The following ARHGEF18 variants were observed in gnomAD, a reference collection of about 807,000 sequenced individuals.
ARHGEF18 encodes the protein rho guanine nucleotide exchange factor 18.
Under a neutral mutation model 155.7 loss-of-function variants are expected in ARHGEF18, and 93 were observed. The ratio of observed to expected loss-of-function variants is 0.60; its 90% CI spans 0.50 to 0.71. ARHGEF18 has a LOEUF of 0.71. ARHGEF18 is among the 30% of genes least tolerant of loss of function. The pLI is 0.00. For missense variants in ARHGEF18, 1,593 were observed against 1,816.1 expected (o/e 0.88, Z 2.23); for synonymous variants, 742 against 753.1 (o/e 0.99, Z 0.24).
At position 7,467,383 on chromosome 19, in the gene ARHGEF18, A is replaced by G. The variant is rs1331792375; in HGVS notation, c.3179A>G (p.Gln1060Arg). 1 of 1,533,590 alleles carries G rather than the reference A, an allele frequency of 6.5e-7. No homozygotes were observed. The highest frequency in any genetic ancestry group is 8.7e-7 in the Non-Finnish European group (1 of 1,145,686). 95.0% of individuals were successfully genotyped at this position (1,533,590 alleles called of 1,614,324 possible). The change falls in exon 26 of 29, where the codon CAG becomes CGG. Residue 1060 changes from glutamine to arginine, a missense_variant. Physicochemically the swap from Gln to Arg is conservative, Grantham distance 43. Transcript: ENST00000668164. ...GAGCGCGCGGCCCTGGAGAAGCTGC[A>G]GAGCCAGCTGCGGCACGAGCAGCAG... is the stretch of plus-strand genomic sequence containing the variant. ...REERAALEKL[Q>R]SQLRHEQQRW... is the part of the protein sequence containing the mutation.
intron 10 of ARHGEF18, among the ~76,000 whole-genome samples, chr19:7,438,504 G>A (rs1272258196): frequency 4.0e-5 from 6 of 150,218 alleles, no homozygotes; most frequent in Non-Finnish European, 5.9e-5. Context: ...CTCCACCTCC[G>A]GGGTTCAAAC....
chr19:7,464,765 G>A (rs1439542600), intron 23 of ARHGEF18, 75 bp downstream of exon 23: 6 of 1,575,498 alleles, frequency 3.8e-6, no homozygotes, highest in Non-Finnish European at 5.2e-6. Flanking sequence ...CTTCTGCTGG[G>A]GTTGTCCAGT....
At chr19:7,433,742 G>A (rs1974098549) in intron 10 of ARHGEF18, among the ~76,000 whole-genome samples, 1 of 151,934 alleles carries the variant, frequency 6.6e-6, no homozygotes, top group Non-Finnish European at 1.5e-5. Flanking sequence ...GTCTTAGGCT[G>A]GGTGCGGTGG....
Position 7,462,887 on chromosome 19 carries a change from A to G in ARHGEF18, c.2635+553A>G, listed in dbSNP as rs1329963437. 3.7e-5 allele frequency among the ~76,000 whole-genome samples: 5 copies of G among 133,384 alleles called. No individual in the cohort carries two copies. Among genetic ancestry groups the G allele is most frequent in the Non-Finnish European group, 6.1e-5 (4 of 65,350 alleles). The allele number at this position is 133,384 out of a possible 152,430, so 87.5% of individuals were successfully genotyped here. A position where few individuals can be genotyped will look rare whatever the true frequency, so the allele number is the denominator to read the frequency against. ...AGTCTCGCTTTGTCACCCAGGCTGG[A>G]GTGCAGTGGCGTGATCTCGGCTCAC... On this transcript the variant is annotated intron_variant, in intron 21 of 28. Coordinates refer to ENST00000668164, the MANE Select transcript of ARHGEF18 (RefSeq NM_001367823.1). This position sits in a 1 kb window ranked among gnomAD's most constrained non-coding sequence, Gnocchi z 4.4.
intron 10 of ARHGEF18, among the ~76,000 whole-genome samples, chr19:7,389,658 C>T (rs1477356340): frequency 6.6e-6 from 1 of 151,790 alleles, no homozygotes; most frequent in Non-Finnish European, 1.5e-5. Flanking sequence ...CTCAGCCTCC[C>T]GAGTAGCTGG....
At chr19:7,381,765 TG>T (rs1970755920) in intron 8 of ARHGEF18, among the ~76,000 whole-genome samples, 1 of 152,070 alleles carries the variant, frequency 6.6e-6, no homozygotes, top group African/African-American at 2.4e-5. Context: ...TTATCAGTTC[TG>T]GTGATAGGAT....
chr19:7,429,022 A>G (rs1220554508), intron 10 of ARHGEF18, among the ~76,000 whole-genome samples: 7 of 152,200 alleles, frequency 4.6e-5, no homozygotes. Flanking sequence ...GGCCTAGGCC[A>G]CGGGCCCGAG....
In ARHGEF18 at chr19:7,463,621, G is replaced by C. The variant is rs1381248556; in HGVS notation, c.2636-197G>C. The stretch of plus-strand genomic sequence containing the variant: ...CTCTCACTTAGACGCAGATTGGCCT[G>C]TCCTGGTGGCCATACCTGAAGTAAG... On this transcript the variant is annotated intron_variant, in intron 21 of 28. Transcript: ENST00000668164. This position sits in a 1 kb window ranked among gnomAD's most constrained non-coding sequence, Gnocchi z 5.2. 1.3e-5 allele frequency among the ~76,000 whole-genome samples: 2 copies of C among 152,204 alleles called. No individual in the cohort carries two copies. Among genetic ancestry groups the C allele is most frequent in the East Asian group, 3.8e-4 (2 of 5,198 alleles).
chr19:7,386,175 A>ACACC (rs1971062763), intron 10 of ARHGEF18, among the ~76,000 whole-genome samples: 1 of 146,130 alleles, frequency 6.8e-6, no homozygotes, highest in African/African-American at 2.5e-5. Flanking sequence ...ATATATAACC[A>ACACC]CACCCTGCTC....
chr19:7,378,128 T>C (rs1417204717), intron 5 of ARHGEF18, among the ~76,000 whole-genome samples: 1 of 152,080 alleles, frequency 6.6e-6, no homozygotes, highest in Admixed American at 6.6e-5. Flanking sequence ...TAAGCGTATC[T>C]CCTTCAGGCC....
the ARHGEF18 span, among the ~76,000 whole-genome samples, chr19:7,477,608 C>T: frequency 6.6e-6 from 1 of 152,124 alleles, no homozygotes; most frequent in Admixed American, 6.5e-5. Flanking sequence ...TCCCCATCAC[C>T]CCCCCGACCC....
Position 7,466,898 on chromosome 19 carries a change from T to G in ARHGEF18, c.2905-20T>G. ...GGGTCTTGAGCCACTCTCTCTGGTT[T>G]GACGGTGTCCTCTTCCCAGGTGGAG... On this transcript the variant is annotated intron_variant, in intron 23 of 28. Transcript: ENST00000668164. 6.2e-7 allele frequency: 1 copy of G among 1,612,710 alleles called. No individual in the cohort carries two copies.
chr19:7,377,916 C>A (rs151027670), intron 5 of ARHGEF18, among the ~76,000 whole-genome samples: 2,491 of 152,152 alleles, frequency 0.016, 47 homozygotes, highest in Admixed American at 0.022. Flanking sequence ...GAAACCCCGT[C>A]TCTACTAAAA....
Position 7,376,684 on chromosome 19 carries a change from TC to T in ARHGEF18, c.470del (p.Pro157LeufsTer45). 1 of 1,234,454 alleles carries T rather than the reference TC, an allele frequency of 8.1e-7. No homozygotes were observed. The highest frequency in any genetic ancestry group is 1.0e-6 in the Non-Finnish European group (1 of 988,240). The allele number at this position is 1,234,454 out of a possible 1,614,324, so 76.5% of individuals were successfully genotyped here. A position where few individuals can be genotyped will look rare whatever the true frequency, so the allele number is the denominator to read the frequency against. On this transcript the variant is annotated frameshift_variant, in exon 5 of 29. Transcript: ENST00000668164. LOFTEE classifies it high-confidence loss of function. ...PKKRGRSRSV[P>X]VSFYEIRSPE... Reference sequence around the variant, plus strand: ...AGAAAAGAGGGAGGTCAAGGTCCGTTCCTGTGTCCTTCTATGAGATCCGCTC... The same window carrying T: ...AGAAAAGAGGGAGGTCAAGGTCCGTTCTGTGTCCTTCTATGAGATCCGCTC...
rs1009869309 is a variant in ARHGEF18, at chr19:7,431,000, CTAAAT to C, written c.968-9341_968-9337del. 4.1e-4 allele frequency among the ~76,000 whole-genome samples: 62 copies of C among 151,830 alleles called. 1 individual carries two copies. The highest frequency in any genetic ancestry group is 1.4e-3 in the African/African-American group (59 of 41,430). On this transcript the variant is annotated intron_variant, in intron 10 of 28. Transcript: ENST00000668164. ...TTTGCAACATAGCCAGATCCCATCT[CTAAAT>C]TAGCCAGGTGTGATAGCACACACCT... is the stretch of plus-strand genomic sequence containing the variant.
intron 10 of ARHGEF18, among the ~76,000 whole-genome samples, chr19:7,422,684 TCAGTCCCA>T (rs1022387679): frequency 6.6e-6 from 1 of 150,566 alleles, no homozygotes; most frequent in Non-Finnish European, 1.5e-5. Context: ...CACCGCATCA[TCAGTCCCA>T]CAACAAAATG....
intron 10 of ARHGEF18, among the ~76,000 whole-genome samples, chr19:7,416,665 C>A (rs1373040949): frequency 6.9e-6 from 1 of 145,022 alleles, no homozygotes; most frequent in East Asian, 2.1e-4. Context: ...TGCAGTGGCA[C>A]GATCTTGGCT....
At chr19:7,469,464 G>A (rs113077895) in intron 27 of ARHGEF18, among the ~76,000 whole-genome samples, 1,865 of 152,254 alleles carry the variant, frequency 0.012, 45 homozygotes, top group African/African-American at 0.042. Context: ...AGGTGCAGGC[G>A]CCTCTGCTCA....
chr19:7,423,962 A>G (rs1973509603), intron 10 of ARHGEF18, among the ~76,000 whole-genome samples: 2 of 152,076 alleles, frequency 1.3e-5, no homozygotes, highest in South Asian at 4.1e-4. Context: ...AAACTGACAC[A>G]CTATTGATTT....
Sources: gnomAD v4.1 joint callset for allele counts (sites outside exome capture counted in the v4.1 genomes callset) on GRCh38, gnomAD v4.1.1 for gene constraint, Gnocchi (gnomAD v3.1) non-coding constraint, MANE v1.5 for transcripts, NCBI Gene and HGNC (gene_info 2026-07-23, HGNC 2026-07-21) for gene names.